ELOVL6: variants seen among roughly 807,000 people sequenced by gnomAD.
ELOVL6 encodes the protein very long chain fatty acid elongase 6.
In ELOVL6, 8 loss-of-function variants were observed where a neutral mutation model predicts 31.7. That is an observed-to-expected ratio of 0.25 (90% CI 0.15 to 0.45). ELOVL6 has a LOEUF of 0.45. Ranked by LOEUF, ELOVL6 falls within the 20% of genes least tolerant of loss-of-function variation. The pLI, the probability that ELOVL6 is intolerant of heterozygous loss-of-function variation, is 1.00. For synonymous variants in ELOVL6, 101 were observed against 117.7 expected (o/e 0.86, Z 0.92); for missense variants, 126 against 326.4 (o/e 0.39, Z 4.73).
intron 2 of ELOVL6, among the ~76,000 whole-genome samples, chr4:110,090,596 CT>C (rs1259935339): frequency 3.6e-5 from 3 of 82,558 alleles, no homozygotes; most frequent in African/African-American, 2.2e-4. Context: ...GAAAGTTTGA[CT>C]TTCTTTTTTT....
At chr4:110,155,487 T>C (rs1366499394) in intron 1 of ELOVL6, among the ~76,000 whole-genome samples, 1 of 152,210 alleles carries the variant, frequency 6.6e-6, no homozygotes, top group Non-Finnish European at 1.5e-5. Flanking sequence ...TATTACAAAT[T>C]GAATATTTTA....
intron 2 of ELOVL6, among the ~76,000 whole-genome samples, chr4:110,095,480 T>TA (rs11396794): frequency 0.39 from 50,216 of 128,940 alleles, 10,179 homozygotes; most frequent in African/African-American, 0.55. Flanking sequence ...AAACTGTCTT[T>TA]AAAAAAAAAA....
chr4:110,184,012 TAAA>T (rs1208752830), intron 1 of ELOVL6, among the ~76,000 whole-genome samples: 1 of 151,948 alleles, frequency 6.6e-6, no homozygotes, highest in African/African-American at 2.4e-5. Flanking sequence ...AAATATAAAA[TAAA>T]AAAATCATCT....
intron 1 of ELOVL6, among the ~76,000 whole-genome samples, chr4:110,117,154 T>C (rs1342155159): frequency 6.6e-6 from 1 of 152,198 alleles, no homozygotes; most frequent in Admixed American, 6.5e-5. Context: ...AGTTGGCTAC[T>C]GGCAGGTGGT....
At chr4:110,116,345 A>G (rs535235436) in intron 1 of ELOVL6, among the ~76,000 whole-genome samples, 1 of 152,212 alleles carries the variant, frequency 6.6e-6, no homozygotes, top group African/African-American at 2.4e-5. Context: ...TTTCATGTCT[A>G]TTCCTGGTTT....
intron 1 of ELOVL6, among the ~76,000 whole-genome samples, chr4:110,174,255 C>T (rs891698768): frequency 5.9e-5 from 9 of 151,274 alleles, no homozygotes; most frequent in Non-Finnish European, 7.4e-5. Flanking sequence ...CCTCCACCTC[C>T]GCAACTCAAG....
At chr4:110,117,904 A>AAAAAAAT (rs1757224623) in intron 1 of ELOVL6, 1 of 7,414 alleles carries the variant, frequency 1.3e-4, no homozygotes, top group African/African-American at 3.7e-4. Flanking sequence ...AAAAAAAAAA[A>AAAAAAAT]TATATATATA....
At chr4:110,126,388 G>A (rs1418907360) in intron 1 of ELOVL6, among the ~76,000 whole-genome samples, 1 of 152,034 alleles carries the variant, frequency 6.6e-6, no homozygotes, top group Admixed American at 6.6e-5. Context: ...ACAAGGGAGA[G>A]GGGCAAAGCT....
At chr4:110,198,218 G>C (rs773170829) in intron 1 of ELOVL6, 29 bp downstream of exon 1, 2 of 1,373,932 alleles carry the variant, frequency 1.5e-6, no homozygotes, top group Non-Finnish European at 2.1e-6. Flanking sequence ...GGGCTCCCGG[G>C]AACAGTATCA....
At chr4:110,194,749 A>G (rs759441147) in intron 1 of ELOVL6, among the ~76,000 whole-genome samples, 3 of 152,204 alleles carry the variant, frequency 2.0e-5, no homozygotes, top group Non-Finnish European at 4.4e-5. Flanking sequence ...TATGTTTAAT[A>G]AAGTATTCTT....
At chr4:110,143,898 A>G (rs1367857612) in intron 1 of ELOVL6, among the ~76,000 whole-genome samples, 2 of 152,020 alleles carry the variant, frequency 1.3e-5, no homozygotes, top group African/African-American at 4.8e-5. Flanking sequence ...TCTACTAAAA[A>G]TACAAAATTA....
intron 2 of ELOVL6, among the ~76,000 whole-genome samples, chr4:110,095,589 G>A (rs182167845): frequency 6.6e-6 from 1 of 152,258 alleles, no homozygotes; most frequent in Non-Finnish European, 1.5e-5. Flanking sequence ...TTTGCATAGG[G>A]CAGTGGTAAA....
At chr4:110,141,702 A>G (rs1303191933) in intron 1 of ELOVL6, among the ~76,000 whole-genome samples, 2 of 147,778 alleles carry the variant, frequency 1.4e-5, no homozygotes, top group Non-Finnish European at 3.0e-5. Context: ...TATATATTGT[A>G]TTGTATTAGC....
chr4:110,076,684 C>A (rs1306977741), intron 2 of ELOVL6, among the ~76,000 whole-genome samples: 2 of 152,206 alleles, frequency 1.3e-5, no homozygotes, highest in Non-Finnish European at 2.9e-5. Flanking sequence ...GTGATTTCTG[C>A]ATTTCCAACT....
At chr4:110,083,510 C>G (rs1003908) in intron 2 of ELOVL6, among the ~76,000 whole-genome samples, 83,933 of 151,174 alleles carry the variant, frequency 0.56, 24,901 homozygotes, top group African/African-American at 0.75. Context: ...GCATGGACTA[C>G]AGCTTATAGG....
At chr4:110,120,699 C>A (rs1757321838) in intron 1 of ELOVL6, among the ~76,000 whole-genome samples, 1 of 152,078 alleles carries the variant, frequency 6.6e-6, no homozygotes, top group Non-Finnish European at 1.5e-5. Context: ...TGAGATTCCA[C>A]CGCTACATTG....
chr4:110,139,851 T>G (rs2126260698), intron 1 of ELOVL6, among the ~76,000 whole-genome samples: 1 of 152,292 alleles, frequency 6.6e-6, no homozygotes, highest in South Asian at 2.1e-4. Flanking sequence ...TGTAAATTAT[T>G]TTGTAATCTC....
intron 2 of ELOVL6, among the ~76,000 whole-genome samples, chr4:110,095,709 A>C (rs1053824942): frequency 1.3e-5 from 2 of 152,216 alleles, no homozygotes; most frequent in African/African-American, 2.4e-5. Flanking sequence ...GCTATGTAGA[A>C]TATCCTTGGG....
In ELOVL6 at chr4:110,108,879, C is replaced by A. The variant is rs138282788; in HGVS notation, c.90-3251G>T. On this transcript the variant is annotated intron_variant, in intron 1 of 3. Coordinates refer to ENST00000302274, the MANE Select transcript of ELOVL6 (RefSeq NM_024090.3). ...TCCTTGGGGTTAGTTTGGAATTAAA[C>A]CTAAGCATCTGCTATAAGTGGAAGT... Among the ~76,000 whole-genome samples, 262 of 152,294 alleles carry A rather than the reference C, an allele frequency of 1.7e-3. 2 individuals are homozygous for A. The highest frequency in any genetic ancestry group is 5.9e-3 in the African/African-American group (244 of 41,570).
Sources: gnomAD v4.1 joint callset for allele counts (sites outside exome capture counted in the v4.1 genomes callset) on GRCh38, gnomAD v4.1.1 for gene constraint, MANE v1.5 for transcripts, NCBI Gene and HGNC (gene_info 2026-07-23, HGNC 2026-07-21) for gene names.